NAV1: variants seen among roughly 807,000 people sequenced by gnomAD.
The protein encoded by NAV1 is pore membrane and/or filament interacting like protein 3.
A neutral mutation model predicts 175.2 loss-of-function variants in NAV1; 18 were observed. The observed-to-expected ratio is 0.10, with a 90% CI of 0.07 to 0.15. The LOEUF is 0.15. NAV1 is among the 10% of genes least tolerant of loss of function. NAV1 has a pLI of 1.00. For synonymous variants in NAV1, 897 were observed against 978.7 expected, an observed-to-expected ratio of 0.92 and a Z score of 1.56; for missense variants, 1,731 against 2,436.6, an observed-to-expected ratio of 0.71 and a Z score of 6.10.
At chr1:201,683,494 G>T (rs1670549101) in intron 1 of NAV1, among the ~76,000 whole-genome samples, 1 of 152,084 alleles carries the variant, frequency 6.6e-6, no homozygotes, top group Non-Finnish European at 1.5e-5. Flanking sequence ...ACAATGCGCA[G>T]TTCACAATAG....
chr1:201,648,817 CCGG>C (rs561927033), exon 1 of NAV1: 43 of 1,580,346 alleles, frequency 2.7e-5, no homozygotes, highest in Admixed American at 1.8e-4. Context: ...GCCAAGGCGC[CCGG>C]CGGCGGCGGC....
intron 3 of NAV1, among the ~76,000 whole-genome samples, chr1:201,748,346 G>T (rs550052344): frequency 5.9e-5 from 9 of 152,218 alleles, no homozygotes; most frequent in South Asian, 2.1e-4. Flanking sequence ...CTTTTCTGGG[G>T]TTCTCATATG....
Position 201,547,695 on chromosome 1 carries a change from A to G in NAV1, c.-144+8353A>G, listed in dbSNP as rs144956590. Among the ~76,000 whole-genome samples, 6 of 152,360 alleles carry G rather than the reference A, an allele frequency of 3.9e-5. No individual in the cohort carries two copies. The East Asian group carries it at 1.2e-3, about 29-fold the overall frequency. ...AGCCATTATTACCACTCCATGCTGC[A>G]TGTCATATGTAATGATAGAAAAATA... On this transcript the variant is annotated intron_variant, in intron 1 of 33. Coordinates refer to the NAV1 transcript ENST00000685211.
At chr1:201,743,131 C>T (rs1433068397) in intron 3 of NAV1, among the ~76,000 whole-genome samples, 1 of 152,154 alleles carries the variant, frequency 6.6e-6, no homozygotes, top group Non-Finnish European at 1.5e-5. Flanking sequence ...AGTAAGCATA[C>T]TAAAGATCAC....
At chr1:201,611,107 C>T (rs577489700) in intron 2 of NAV1, among the ~76,000 whole-genome samples, 1 of 152,328 alleles carries the variant, frequency 6.6e-6, no homozygotes, top group African/African-American at 2.4e-5. Flanking sequence ...GCTTCCCCTG[C>T]TTCCTGCCAA....
chr1:201,811,851 A>G, intron 25 of NAV1, 52 bp from the exon 30 acceptor site: 1 of 1,613,044 alleles, frequency 6.2e-7, no homozygotes, highest in Non-Finnish European at 8.5e-7. Flanking sequence ...TGTGGCAGAA[A>G]GCAAGTGTGA....
intron 3 of NAV1, among the ~76,000 whole-genome samples, chr1:201,775,321 T>C (rs1025197011): frequency 6.6e-6 from 1 of 152,186 alleles, no homozygotes; most frequent in Non-Finnish European, 1.5e-5. Context: ...TCCAGGCTCT[T>C]CTCTAACTCA....
At chr1:201,583,395 C>T (rs1666926736) in intron 1 of NAV1, among the ~76,000 whole-genome samples, 1 of 152,252 alleles carries the variant, frequency 6.6e-6, no homozygotes, top group Non-Finnish European at 1.5e-5. Flanking sequence ...ACAAAAAGCT[C>T]GTTATCTCTC....
At chr1:201,701,228 C>G (rs1456822075) in intron 1 of NAV1, among the ~76,000 whole-genome samples, 1 of 129,348 alleles carries the variant, frequency 7.7e-6, no homozygotes, top group East Asian at 2.2e-4. Context: ...CACTTGGACA[C>G]AGGGTGGGGA....
At chr1:201,650,019 G>A (rs1171601071) in intron 1 of NAV1, among the ~76,000 whole-genome samples, 1 of 152,212 alleles carries the variant, frequency 6.6e-6, no homozygotes, top group Middle Eastern at 3.2e-3. Flanking sequence ...CCAGCTGTGC[G>A]CATCTGGGCG....
chr1:201,751,191 C>G (rs1674078743), intron 3 of NAV1, among the ~76,000 whole-genome samples: 1 of 152,208 alleles, frequency 6.6e-6, no homozygotes, highest in African/African-American at 2.4e-5. Context: ...TGTTCTGCCT[C>G]TCAACCTGGA....
At chr1:201,727,243 A>G (rs1036500043) in intron 3 of NAV1, among the ~76,000 whole-genome samples, 19 of 152,210 alleles carry the variant, frequency 1.2e-4, no homozygotes, top group African/African-American at 4.6e-4. Context: ...GTTGTCACAG[A>G]CACATTCTAG....
chr1:201,753,517 G>A lies in NAV1; in HGVS notation c.1227-26904G>A, dbSNP rs146959563. Among the ~76,000 whole-genome samples, 210 of 152,214 alleles carry A rather than the reference G, an allele frequency of 1.4e-3. 1 individual carries two copies. Among genetic ancestry groups the A allele is most frequent in the Admixed American group, 4.6e-3 (70 of 15,286 alleles). On this transcript the variant is annotated intron_variant, in intron 3 of 29. Coordinates refer to ENST00000367296, the Ensembl canonical transcript of NAV1. Reference sequence around the variant, plus strand: ...TTTCAAATGTCCTTATTAGAGAAACGGATTGGGGGTAATATTTTACCTTAA... The same window carrying A: ...TTTCAAATGTCCTTATTAGAGAAACAGATTGGGGGTAATATTTTACCTTAA...
intron 2 of NAV1, among the ~76,000 whole-genome samples, chr1:201,715,524 G>A (rs569836581): frequency 2.8e-4 from 42 of 152,328 alleles, no homozygotes; most frequent in African/African-American, 9.6e-4. Context: ...GAAGTAGACA[G>A]GATATATACA....
At chr1:201,566,576 C>A (rs930813727) in intron 1 of NAV1, among the ~76,000 whole-genome samples, 5 of 152,162 alleles carry the variant, frequency 3.3e-5, no homozygotes, top group African/African-American at 4.8e-5. Flanking sequence ...TCTCTCCCTG[C>A]CCACTCACAA....
At chr1:201,796,845 T>G (rs1677482980) in intron 15 of NAV1, 1 of 152,248 alleles carries the variant, frequency 6.6e-6, no homozygotes, top group African/African-American at 2.4e-5. Flanking sequence ...ATTTGTCTTT[T>G]GTTGTTGAGC....
At chr1:201,641,753 G>A (rs894950854) in intron 2 of NAV1, among the ~76,000 whole-genome samples, 3 of 152,290 alleles carry the variant, frequency 2.0e-5, no homozygotes, top group African/African-American at 7.2e-5. Flanking sequence ...GAGCCATGTG[G>A]CTGGGTTCCC....
chr1:201,810,377 G>A lies in NAV1; in HGVS notation c.4562-146G>A. On this transcript the variant is annotated intron_variant, in intron 23 of 29. Coordinates refer to ENST00000367296, the Ensembl canonical transcript of NAV1. This position sits in a 1 kb window ranked among gnomAD's most constrained non-coding sequence, Gnocchi z 6.0. The stretch of plus-strand genomic sequence containing the variant: ...GAAGATCTAAGTTTTCAAAACTAGG[G>A]GTTAAGGGACTCTTATGGAACCATG... 1 of 835,044 alleles carries A rather than the reference G, an allele frequency of 1.2e-6. No individual in the cohort carries two copies. Among genetic ancestry groups the A allele is most frequent in the Middle Eastern group, 2.6e-4 (1 of 3,818 alleles). 51.7% of individuals were successfully genotyped at this position (835,044 alleles called of 1,614,324 possible).
In NAV1 at chr1:201,672,880, C is replaced by T. The variant is rs114350934; in HGVS notation, c.757+23455C>T. Among the ~76,000 whole-genome samples, 712 of 152,298 alleles carry T rather than the reference C, an allele frequency of 4.7e-3. 8 individuals carry two copies. Among genetic ancestry groups the T allele is most frequent in the African/African-American group, 0.016 (674 of 41,556 alleles). ...TTACCGCCCAACAGACGCTCAAGCT[C>T]GACTGCCCTGTGGACGCACATAGAC... On this transcript the variant is annotated intron_variant, in intron 1 of 29. Coordinates refer to ENST00000367296, the Ensembl canonical transcript of NAV1.
Sources: allele counts gnomAD v4.1 joint callset (sites outside exome capture counted in the v4.1 genomes callset), GRCh38; gene constraint gnomAD v4.1.1; non-coding constraint Gnocchi (gnomAD v3.1); transcripts MANE v1.5; gene names NCBI Gene and HGNC (gene_info 2026-07-23, HGNC 2026-07-21).